Variants in SYT12 observed in about 807,000 individuals in gnomAD.
SYT12 encodes the protein synaptotagmin-12.
A neutral mutation model predicts 39.5 loss-of-function variants in SYT12; 27 were observed. That is an observed-to-expected ratio of 0.68 (90% CI 0.50 to 0.94). The LOEUF (loss-of-function observed/expected upper bound fraction) is 0.94. Ranked by LOEUF, SYT12 falls within the 40% of genes least tolerant of loss-of-function variation. SYT12 has a pLI of 0.00. For synonymous variants in SYT12, 233 were observed against 239.7 expected, an observed-to-expected ratio of 0.97 and a Z score of 0.26; for missense variants, 536 against 572.6, an observed-to-expected ratio of 0.94 and a Z score of 0.65.
intron 2 of SYT12, among the ~76,000 whole-genome samples, chr11:67,010,385 TGCTGGGCCCCAAGG>T (rs1271218096): frequency 6.6e-6 from 1 of 152,184 alleles, no homozygotes; most frequent in African/African-American, 2.4e-5. Flanking sequence ...AGCTCTAACA[TGCTGGGCCCCAAGG>T]GCTGGGCAGG....
intron 1 of SYT12, 142 bp from the exon 2 acceptor site, chr11:67,029,980 C>A (rs972679570): frequency 1.6e-6 from 1 of 636,258 alleles, no homozygotes; most frequent in Admixed American, 2.9e-5. Context: ...TCTTAAAATG[C>A]CAAGCCTCCC....
At chr11:67,011,145 C>T (rs1487754452) in intron 3 of SYT12, among the ~76,000 whole-genome samples, 1 of 152,146 alleles carries the variant, frequency 6.6e-6, no homozygotes, top group Non-Finnish European at 1.5e-5. Flanking sequence ...GTCATCTGAG[C>T]TCAAGAGTTT....
chr11:67,039,507 A>T (rs965587294), intron 3 of SYT12, among the ~76,000 whole-genome samples: 1 of 151,928 alleles, frequency 6.6e-6, no homozygotes, highest in Non-Finnish European at 1.5e-5. Flanking sequence ...CCAGCTACTC[A>T]GGAGGCTGAG....
At chr11:67,020,672 G>T (rs1016551802), upstream of SYT12, among the ~76,000 whole-genome samples, 1 of 152,104 alleles carries the variant, frequency 6.6e-6, no homozygotes, top group African/African-American at 2.4e-5. Flanking sequence ...TCCTATAAAT[G>T]CATCCATCAG....
intron 7 of SYT12, among the ~76,000 whole-genome samples, chr11:67,046,762 G>A (rs1307999098): frequency 6.6e-6 from 1 of 152,210 alleles, no homozygotes; most frequent in Admixed American, 6.5e-5. Flanking sequence ...GACCATGGGG[G>A]AAGTGGAGGA....
chr11:67,017,638 G>A (rs1248610474), intron 3 of SYT12, among the ~76,000 whole-genome samples: 1 of 151,236 alleles, frequency 6.6e-6, no homozygotes, highest in Non-Finnish European at 1.5e-5. Flanking sequence ...GGTATTACAG[G>A]AGTGAGCCAC....
upstream of SYT12, among the ~76,000 whole-genome samples, chr11:67,019,962 C>T (rs1950092724): frequency 6.6e-6 from 1 of 151,300 alleles, no homozygotes; most frequent in South Asian, 2.1e-4. Context: ...AGCTGTGTGG[C>T]CTTGGGCGCC....
chr11:67,024,926 G>A (rs1371140633), intron 1 of SYT12, among the ~76,000 whole-genome samples: 4 of 152,164 alleles, frequency 2.6e-5, no homozygotes, highest in African/African-American at 4.8e-5. Context: ...CCTCTCCCCC[G>A]CCGAGGCACA....
intron 3 of SYT12, among the ~76,000 whole-genome samples, chr11:67,039,307 A>C (rs1014201763): frequency 6.6e-6 from 1 of 150,736 alleles, no homozygotes; most frequent in Admixed American, 6.6e-5. Flanking sequence ...CTCAAAAAAA[A>C]CAAATGTTTC....
At chr11:67,015,764 G>A (rs1029288877) in intron 3 of SYT12, among the ~76,000 whole-genome samples, 13 of 152,158 alleles carry the variant, frequency 8.5e-5, no homozygotes, top group African/African-American at 3.1e-4. Context: ...CCCTTCATAT[G>A]GTAAACGCTG....
At chr11:67,028,666 A>AG (rs1047224334) in intron 1 of SYT12, 25 of 152,352 alleles carry the variant, frequency 1.6e-4, no homozygotes, top group African/African-American at 5.3e-4. Context: ...GGATGCTCCG[A>AG]GGGGTTGGGA....
intron 7 of SYT12, among the ~76,000 whole-genome samples, chr11:67,046,144 G>A (rs1443936415): frequency 6.6e-6 from 1 of 152,164 alleles, no homozygotes; most frequent in Non-Finnish European, 1.5e-5. Flanking sequence ...ATTCCTGCAG[G>A]AGGGGATACC....
Position 67,039,985 on chromosome 11 carries a change from G to C in SYT12, c.403G>C (p.Asp135His), listed in dbSNP as rs749112099. Residue 135 changes from aspartate to histidine, a missense_variant, in exon 4 of 8, where the codon GAC becomes CAC. Coordinates refer to ENST00000527043, the MANE Select transcript of SYT12 (RefSeq NM_177963.4). ...YGTLRKSQSA[D>H]SLNSISSVSN... is the part of the protein sequence containing the mutation. ...GACCCTCCGGAAGTCCCAGTCGGCC[G>C]ACTCCCTGAACTCCATCTCCTCCGT... The C allele has an allele frequency of 6.2e-7, 1 of 1,613,750 alleles. No individual in the cohort carries two copies. Among genetic ancestry groups the C allele is most frequent in the South Asian group, 1.1e-5 (1 of 91,082 alleles).
intron 3 of SYT12, among the ~76,000 whole-genome samples, chr11:67,012,346 G>C (rs573173900): frequency 6.6e-6 from 1 of 152,140 alleles, no homozygotes; most frequent in African/African-American, 2.4e-5. Context: ...ACTCCAGCCT[G>C]GGTGATAGAG....
chr11:67,013,780 C>T (rs1950032539), intron 3 of SYT12, among the ~76,000 whole-genome samples: 1 of 152,256 alleles, frequency 6.6e-6, no homozygotes, highest in African/African-American at 2.4e-5. Context: ...GCGTTCCTTT[C>T]CTGGGGCTGC....
chr11:67,014,509 A>C (rs1182298969), intron 3 of SYT12, among the ~76,000 whole-genome samples: 1 of 152,206 alleles, frequency 6.6e-6, no homozygotes. Context: ...AGAGGGTTGG[A>C]GAAGCGGCTC....
chr11:67,028,198 T>A (rs560879717), intron 1 of SYT12: 1 of 152,048 alleles, frequency 6.6e-6, no homozygotes, highest in South Asian at 2.1e-4. Flanking sequence ...TTAAATGAGG[T>A]CAGATAAATG....
chr11:67,038,490 T>C (rs1950431242), intron 3 of SYT12, among the ~76,000 whole-genome samples: 1 of 151,964 alleles, frequency 6.6e-6, no homozygotes, highest in Non-Finnish European at 1.5e-5. Flanking sequence ...AATATTTGGG[T>C]GAGTGTCACC....
chr11:67,037,003 G>A (rs1950394234), intron 3 of SYT12, among the ~76,000 whole-genome samples: 2 of 152,226 alleles, frequency 1.3e-5, no homozygotes, highest in Admixed American at 6.5e-5. Flanking sequence ...AACCCAGAAG[G>A]TGGAGGTTGC....
Sources: allele counts gnomAD v4.1 joint callset (sites outside exome capture counted in the v4.1 genomes callset), GRCh38; gene constraint gnomAD v4.1.1; transcripts MANE v1.5; gene names NCBI Gene and HGNC (gene_info 2026-07-23, HGNC 2026-07-21).